EYA2: variants seen among roughly 807,000 people sequenced by gnomAD.
The protein encoded by EYA2 is EYA transcriptional coactivator and phosphatase 2.
EYA2 carries 31 observed loss-of-function variants against 69.2 expected under a neutral mutation model. That is an observed-to-expected ratio of 0.45 (90% CI 0.34 to 0.60). The LOEUF is 0.60. EYA2 is among the 20% of genes least tolerant of loss of function. The pLI is 0.02. For synonymous variants in EYA2, 257 were observed against 279.4 expected, an observed-to-expected ratio of 0.92 and a Z score of 0.80; for missense variants, 622 against 701.2, an observed-to-expected ratio of 0.89 and a Z score of 1.28.
chr20:47,001,796 T>A (rs917276853), intron 3 of EYA2, among the ~76,000 whole-genome samples: 13 of 151,600 alleles, frequency 8.6e-5, no homozygotes, highest in Admixed American at 3.3e-4. Flanking sequence ...TCTTTTTTTT[T>A]TTTTTATTCT....
At chr20:46,912,741 C>T (rs1052233596) in intron 1 of EYA2, among the ~76,000 whole-genome samples, 5 of 149,558 alleles carry the variant, frequency 3.3e-5, no homozygotes, top group East Asian at 2.0e-4. Flanking sequence ...TCGCCCAGGC[C>T]GGACTGCGGA....
chr20:47,142,010 C>T (rs1397946130), intron 9 of EYA2, among the ~76,000 whole-genome samples: 1 of 152,162 alleles, frequency 6.6e-6, no homozygotes. Flanking sequence ...TCTTCATGTC[C>T]TCCCAATATT....
intron 5 of EYA2, among the ~76,000 whole-genome samples, chr20:47,053,141 A>G (rs6018243): frequency 2.7e-5 from 4 of 146,304 alleles, no homozygotes; most frequent in Non-Finnish European, 4.5e-5. Flanking sequence ...CCCCACCCCC[A>G]CTCCCACCTC....
At chr20:46,905,308 G>A (rs1213660247) in intron 1 of EYA2, among the ~76,000 whole-genome samples, 4 of 152,204 alleles carry the variant, frequency 2.6e-5, no homozygotes, top group Non-Finnish European at 5.9e-5. Flanking sequence ...GTGACCCAAA[G>A]CATGGGCCTG....
chr20:47,040,070 A>C lies in EYA2; in HGVS notation c.415+23773A>C, dbSNP rs1422178012. 2.0e-5 allele frequency among the ~76,000 whole-genome samples: 3 copies of C among 151,824 alleles called. No homozygotes were observed. In the East Asian group the frequency reaches 5.8e-4, roughly 29 times the overall value. On this transcript the variant is annotated intron_variant, in intron 5 of 15. Transcript: ENST00000327619. ...TGGCCAGGCTGGTCTCGAACTCCTG[A>C]CCTCAGGTGACCCACCCACCTCGGC...
chr20:47,187,680 A>G (rs3818006), intron 15 of EYA2, among the ~76,000 whole-genome samples: 85,735 of 152,112 alleles, frequency 0.56, 26,025 homozygotes, highest in African/African-American at 0.81. Flanking sequence ...GGGATTACAA[A>G]CGTGGGCCAC....
At chr20:47,059,859 G>A (rs2030797331) in intron 5 of EYA2, among the ~76,000 whole-genome samples, 2 of 152,142 alleles carry the variant, frequency 1.3e-5, no homozygotes, top group African/African-American at 4.8e-5. Flanking sequence ...TTTGGGTCTG[G>A]ACTCTTCACA....
At chr20:47,174,546 G>A (rs2146660222) in intron 12 of EYA2, among the ~76,000 whole-genome samples, 1 of 152,298 alleles carries the variant, frequency 6.6e-6, no homozygotes, top group African/African-American at 2.4e-5. Flanking sequence ...TGTCCCTGGA[G>A]CTTTCCCATC....
At chr20:47,082,673 C>T (rs1437791865) in intron 7 of EYA2, among the ~76,000 whole-genome samples, 1 of 152,138 alleles carries the variant, frequency 6.6e-6, no homozygotes, top group African/African-American at 2.4e-5. Flanking sequence ...AAGATTAATA[C>T]AATCTCTATC....
chr20:47,047,969 C>T (rs73909615), intron 5 of EYA2, among the ~76,000 whole-genome samples: 533 of 152,204 alleles, frequency 3.5e-3, no homozygotes, highest in African/African-American at 0.012. Context: ...TGAGCCACCG[C>T]GCCCCTGCCT....
chr20:47,099,143 C>T (rs1291756856), intron 9 of EYA2, among the ~76,000 whole-genome samples: 4 of 152,220 alleles, frequency 2.6e-5, no homozygotes, highest in African/African-American at 7.2e-5. Context: ...ACAGTGTTAA[C>T]CCACCCAAGG....
chr20:47,118,063 G>T (rs2032952161), intron 9 of EYA2, among the ~76,000 whole-genome samples: 1 of 152,206 alleles, frequency 6.6e-6, no homozygotes, highest in Non-Finnish European at 1.5e-5. Context: ...CCCTGCCCAA[G>T]GAAAACAGAG....
chr20:47,072,436 G>A (rs546006625), intron 6 of EYA2, among the ~76,000 whole-genome samples, 184 bp downstream of exon 6: 1 of 152,282 alleles, frequency 6.6e-6, no homozygotes, highest in African/African-American at 2.4e-5. Flanking sequence ...CAGTATACAG[G>A]CGGAGACGTA....
At chr20:46,980,227 C>T (rs1443507095) in intron 1 of EYA2, among the ~76,000 whole-genome samples, 1 of 152,188 alleles carries the variant, frequency 6.6e-6, no homozygotes, top group Non-Finnish European at 1.5e-5. Context: ...TAGGATGAAA[C>T]GAGCCAGTGC....
At chr20:46,921,795 C>G (rs1451515498) in intron 1 of EYA2, among the ~76,000 whole-genome samples, 1 of 152,222 alleles carries the variant, frequency 6.6e-6, no homozygotes. Flanking sequence ...TCCAGCTGTT[C>G]CTGAAGCTAG....
chr20:46,948,912 CAT>C (rs1356411039), intron 1 of EYA2, among the ~76,000 whole-genome samples: 1 of 152,120 alleles, frequency 6.6e-6, no homozygotes, highest in Non-Finnish European at 1.5e-5. Context: ...CTGTTTTCTT[CAT>C]ATATATTTAT....
At chr20:47,184,535 C>T (rs1457896148) in intron 15 of EYA2, among the ~76,000 whole-genome samples, 9 of 151,698 alleles carry the variant, frequency 5.9e-5, no homozygotes, top group African/African-American at 1.9e-4. Flanking sequence ...TTCCCACTTC[C>T]ACCTCTAAGT....
intron 12 of EYA2, among the ~76,000 whole-genome samples, chr20:47,177,042 C>T (rs2034441267): frequency 6.6e-6 from 1 of 152,158 alleles, no homozygotes; most frequent in Admixed American, 6.5e-5. Context: ...AGATGATCTG[C>T]CCGCCTCGGC....
chr20:47,029,572 G>A (rs1984287726), intron 5 of EYA2, among the ~76,000 whole-genome samples: 1 of 152,138 alleles, frequency 6.6e-6, no homozygotes, highest in Admixed American at 6.5e-5. Flanking sequence ...TCTATAAGTA[G>A]CACTGCTGTC....
Sources: gnomAD v4.1 joint callset for allele counts (sites outside exome capture counted in the v4.1 genomes callset) on GRCh38, gnomAD v4.1.1 for gene constraint, MANE v1.5 for transcripts, NCBI Gene and HGNC (gene_info 2026-07-23, HGNC 2026-07-21) for gene names.